NAV3: variants seen among roughly 807,000 people sequenced by gnomAD.
NAV3 encodes the protein pore membrane and/or filament interacting like protein 1.
Under a neutral mutation model 244.7 loss-of-function variants are expected in NAV3, and 87 were observed. That is an observed-to-expected ratio of 0.36 (90% CI 0.30 to 0.42). The LOEUF is 0.42. Ranked by LOEUF, NAV3 falls within the 20% of genes least tolerant of loss-of-function variation. The pLI, the probability that NAV3 is intolerant of heterozygous loss-of-function variation, is 1.00. For synonymous variants in NAV3, 1,126 were observed against 1,042.2 expected (o/e 1.08, Z -1.55); for missense variants, 2,663 against 2,893.3 (o/e 0.92, Z 1.83).
chr12:77,863,498 AC>A (rs1879561238), intron 1 of NAV3, among the ~76,000 whole-genome samples: 1 of 151,908 alleles, frequency 6.6e-6, no homozygotes, highest in African/African-American at 2.4e-5. Flanking sequence ...AAATAAAAAA[AC>A]AAATAAAATT....
chr12:78,159,058 A>C lies in NAV3; in HGVS notation c.4786-145A>C, dbSNP rs191459466. On this transcript the variant is annotated intron_variant, in intron 22 of 39. Coordinates refer to ENST00000397909, the MANE Select transcript of NAV3 (RefSeq NM_001024383.2). ...TGAATGAAAATGTGTGTTAAAGAAG[A>C]GTCACCAGTCAGAGCTAACTATGAT... The C allele has an allele frequency of 2.0e-5, 10 of 505,606 alleles. No individual in the cohort carries two copies. In the East Asian group the frequency reaches 3.0e-4, roughly 15 times the overall value. The allele number at this position is 505,606 out of a possible 1,614,324, so 31.3% of individuals were successfully genotyped here.
intron 2 of NAV3, among the ~76,000 whole-genome samples, chr12:77,726,961 C>A (rs1337756865): frequency 2.0e-5 from 3 of 151,804 alleles, no homozygotes; most frequent in African/African-American, 7.3e-5. Context: ...ACAAGGAAAG[C>A]TATAGAACAG....
At chr12:78,144,677 A>C (rs1265013268) in intron 20 of NAV3, among the ~76,000 whole-genome samples, 2 of 151,956 alleles carry the variant, frequency 1.3e-5, no homozygotes, top group Non-Finnish European at 2.9e-5. Flanking sequence ...AGATTAACAA[A>C]AATGCGGTGA....
At chr12:77,643,180 A>C (rs145873690) in intron 2 of NAV3, among the ~76,000 whole-genome samples, 47 of 152,094 alleles carry the variant, frequency 3.1e-4, no homozygotes, top group African/African-American at 1.1e-3. Flanking sequence ...CTGTATACAG[A>C]ATTGTTTTAC....
intron 1 of NAV3, among the ~76,000 whole-genome samples, chr12:77,876,094 C>A (rs1210546516): frequency 6.6e-6 from 1 of 151,990 alleles, no homozygotes; most frequent in African/African-American, 2.4e-5. Flanking sequence ...ATGCTTCTCT[C>A]AGTATTTTAT....
intron 12 of NAV3, among the ~76,000 whole-genome samples, chr12:78,114,894 T>C (rs546056982): frequency 6.6e-6 from 1 of 152,300 alleles, no homozygotes; most frequent in African/African-American, 2.4e-5. Flanking sequence ...TTATGATGCA[T>C]TATGCTCTCA....
At chr12:77,803,894 T>C (rs1404563848) in intron 2 of NAV3, among the ~76,000 whole-genome samples, 1 of 152,218 alleles carries the variant, frequency 6.6e-6, no homozygotes, top group Non-Finnish European at 1.5e-5. Flanking sequence ...ATGAGCTTCT[T>C]TTCATATGTT....
chr12:77,573,297 A>G (rs988344179), intron 2 of NAV3, among the ~76,000 whole-genome samples: 1 of 152,164 alleles, frequency 6.6e-6, no homozygotes, highest in Non-Finnish European at 1.5e-5. Flanking sequence ...TCAATGGCTT[A>G]TTAATTTTGT....
At chr12:78,030,057 A>C (rs1287089261) in intron 9 of NAV3, among the ~76,000 whole-genome samples, 1 of 152,174 alleles carries the variant, frequency 6.6e-6, no homozygotes, top group Non-Finnish European at 1.5e-5. Flanking sequence ...TGCATATGAA[A>C]CATAGGTGAA....
chr12:78,190,756 A>G (rs1425990872), intron 34 of NAV3, among the ~76,000 whole-genome samples: 3 of 152,120 alleles, frequency 2.0e-5, no homozygotes, highest in Admixed American at 2.0e-4. Context: ...AAAGTTAACA[A>G]CATTCAATTT....
chr12:77,739,471 T>C (rs551675345), intron 2 of NAV3, among the ~76,000 whole-genome samples: 2 of 152,306 alleles, frequency 1.3e-5, no homozygotes, highest in African/African-American at 4.8e-5. Flanking sequence ...TGTGTATCTC[T>C]AGCATTTAAT....
At chr12:77,789,556 C>T (rs1871077780) in intron 2 of NAV3, among the ~76,000 whole-genome samples, 1 of 151,344 alleles carries the variant, frequency 6.6e-6, no homozygotes, top group African/African-American at 2.4e-5. Flanking sequence ...TGCCTGTAAT[C>T]CCAGCAACTT....
intron 9 of NAV3, among the ~76,000 whole-genome samples, chr12:78,026,787 G>A (rs1878129353): frequency 6.6e-6 from 1 of 152,122 alleles, no homozygotes; most frequent in Non-Finnish European, 1.5e-5. Flanking sequence ...TTAGTATATA[G>A]ATAGCATTCA....
Position 77,983,975 on chromosome 12 carries a change from A to AAAAC in NAV3, c.672-10826_672-10823dup, listed in dbSNP as rs577107003. On this transcript the variant is annotated intron_variant, in intron 5 of 39. Coordinates refer to ENST00000397909, the MANE Select transcript of NAV3 (RefSeq NM_001024383.2). ...TCATCTAATCACTGCAACACAAAAC[A>AAAAC]AAACACTAAGTCCTGAACTTAAGAC... is the stretch of plus-strand genomic sequence containing the variant. Among the ~76,000 whole-genome samples the AAAAC allele has an allele frequency of 3.9e-3, 594 of 152,348 alleles. 2 individuals carry two copies. The highest frequency in any genetic ancestry group is 7.1e-3 in the Non-Finnish European group (484 of 68,034).
chr12:77,987,556 A>T (rs1463735858), intron 5 of NAV3, among the ~76,000 whole-genome samples: 6 of 152,188 alleles, frequency 3.9e-5, no homozygotes. Flanking sequence ...GAAGGTAGAG[A>T]TATAACATGC....
chr12:78,083,995 C>T (rs2137879623), intron 12 of NAV3, among the ~76,000 whole-genome samples: 1 of 152,266 alleles, frequency 6.6e-6, no homozygotes, highest in East Asian at 1.9e-4. Flanking sequence ...TTAAAACCAA[C>T]ATTTTATCTA....
At chr12:77,758,504 A>G (rs1869301579) in intron 2 of NAV3, among the ~76,000 whole-genome samples, 1 of 152,144 alleles carries the variant, frequency 6.6e-6, no homozygotes, top group Non-Finnish European at 1.5e-5. Context: ...TCTTCTTTTT[A>G]TCACTGCATA....
At chr12:77,966,771 A>G (rs1298397044) in intron 4 of NAV3, among the ~76,000 whole-genome samples, 1 of 152,112 alleles carries the variant, frequency 6.6e-6, no homozygotes, top group Non-Finnish European at 1.5e-5. Flanking sequence ...TTAAATAATT[A>G]GAACTAACAG....
At chr12:78,032,516 G>T (rs11107935) in intron 9 of NAV3, among the ~76,000 whole-genome samples, 1 of 152,050 alleles carries the variant, frequency 6.6e-6, no homozygotes, top group South Asian at 2.1e-4. Flanking sequence ...TTTTAAGTAC[G>T]TCACTTAAAT....
Sources: gnomAD v4.1 joint callset for allele counts (sites outside exome capture counted in the v4.1 genomes callset) on GRCh38, gnomAD v4.1.1 for gene constraint, MANE v1.5 for transcripts, NCBI Gene and HGNC (gene_info 2026-07-23, HGNC 2026-07-21) for gene names.